Variants in NCOA3 observed in about 807,000 individuals in gnomAD.
NCOA3 encodes CBP-interacting protein.
In NCOA3, 51 loss-of-function variants were observed where a neutral mutation model predicts 158.8. The ratio of observed to expected loss-of-function variants is 0.32; its 90% confidence interval spans 0.26 to 0.41. The LOEUF (loss-of-function observed/expected upper bound fraction) is 0.41, where lower values mean the gene tolerates loss of function less well. Among genes scored for constraint, NCOA3 ranks in the 10% least tolerant of loss-of-function variants. The probability of loss-of-function intolerance (pLI) is 1.00; values close to 1 mark genes in which losing one functional copy is unlikely to be tolerated. For synonymous variants in NCOA3, 537 were observed against 592.4 expected (o/e 0.91, Z 1.36); for missense variants, 1,510 against 1,746.6 (o/e 0.86, Z 2.41).
At chr20:47,604,698 A>C (rs868519900) in intron 2 of NCOA3, among the ~76,000 whole-genome samples, 2 of 152,156 alleles carry the variant, frequency 1.3e-5, no homozygotes, top group African/African-American at 4.8e-5. Flanking sequence ...TCAGCTTTCC[A>C]AAGTGCTGGC....
At chr20:47,558,909 C>T (rs995995651) in intron 1 of NCOA3, among the ~76,000 whole-genome samples, 2 of 148,748 alleles carry the variant, frequency 1.3e-5, no homozygotes, top group African/African-American at 4.9e-5. Flanking sequence ...TTATGCACGA[C>T]ATCTGGACAC....
chr20:47,537,440 TG>T (rs369849746), intron 1 of NCOA3, among the ~76,000 whole-genome samples: 281 of 27,664 alleles, frequency 0.01, 2 homozygotes, highest in Middle Eastern at 0.071. Context: ...TCGGCGGGGG[TG>T]GGGGGGGGAA....
chr20:47,525,848 T>C (rs796477963), intron 1 of NCOA3, among the ~76,000 whole-genome samples: 2 of 44,974 alleles, frequency 4.4e-5, no homozygotes, highest in African/African-American at 1.0e-4. Context: ...CGGGCAGAGG[T>C]GCCCCTCACT....
chr20:47,578,534 G>A (rs2085406386), intron 1 of NCOA3, among the ~76,000 whole-genome samples: 1 of 152,138 alleles, frequency 6.6e-6, no homozygotes, highest in Non-Finnish European at 1.5e-5. Flanking sequence ...CTTGCATTTG[G>A]TCTTCTCCTT....
At chr20:47,614,956 A>G (rs767376251) in intron 2 of NCOA3, among the ~76,000 whole-genome samples, 7 of 152,208 alleles carry the variant, frequency 4.6e-5, no homozygotes, top group Non-Finnish European at 8.8e-5. Flanking sequence ...CTGGTTGGCT[A>G]TAGTGTGATT....
At chr20:47,634,699 G>A (rs1285911561) in intron 10 of NCOA3, among the ~76,000 whole-genome samples, 1 of 152,112 alleles carries the variant, frequency 6.6e-6, no homozygotes, top group African/African-American at 2.4e-5. Context: ...AGTTAACATA[G>A]CTGTTGGTCT....
At chr20:47,629,544 T>C (rs2086380187) in intron 8 of NCOA3, among the ~76,000 whole-genome samples, 1 of 152,184 alleles carries the variant, frequency 6.6e-6, no homozygotes, top group Non-Finnish European at 1.5e-5. Context: ...TTGGTCAGGC[T>C]GGTCTCAAAG....
chr20:47,639,582 C>T lies in NCOA3; in HGVS notation c.2713C>T (p.Pro905Ser), dbSNP rs780205541. Residue 905 changes from proline (P) to serine (S), a missense_variant, in exon 15 of 23, where the codon CCA becomes TCA. Coordinates refer to ENST00000371998, the MANE Select transcript of NCOA3 (RefSeq NM_181659.3). ...AGTATGGCTACCTGTTTTAGGTGGG[C>T]CAAACCGAAATGTGACTGTGACTCA... ...QENYGSSMGG[P>S]NRNVTVTQTP... 1.2e-6 allele frequency: 2 copies of T among 1,613,140 alleles called. No homozygotes were observed. The highest frequency in any genetic ancestry group is 2.2e-5 in the South Asian group (2 of 91,024).
chr20:47,515,249 G>A (rs1189916392), intron 1 of NCOA3, among the ~76,000 whole-genome samples: 2 of 150,708 alleles, frequency 1.3e-5, no homozygotes, highest in African/African-American at 2.4e-5. Context: ...CACAACCTCC[G>A]CCTCCTGAGT....
chr20:47,622,826 G>A (rs1284572089), intron 3 of NCOA3: 1 of 152,278 alleles, frequency 6.6e-6, no homozygotes. Flanking sequence ...CAAGGGTAGG[G>A]AGAATTACAA....
At chr20:47,549,864 T>C (rs1003491896) in intron 1 of NCOA3, among the ~76,000 whole-genome samples, 10 of 152,042 alleles carry the variant, frequency 6.6e-5, no homozygotes, top group African/African-American at 9.7e-5. Context: ...CCACCATGCC[T>C]GGCTAATTTT....
chr20:47,515,401 C>A (rs1422581504), intron 1 of NCOA3, among the ~76,000 whole-genome samples: 1 of 151,686 alleles, frequency 6.6e-6, no homozygotes, highest in Non-Finnish European at 1.5e-5. Context: ...ATCCACCCCC[C>A]TCGGCCTCCC....
chr20:47,630,047 TC>T (rs1257654171), intron 8 of NCOA3, among the ~76,000 whole-genome samples: 3 of 152,232 alleles, frequency 2.0e-5, no homozygotes, highest in Non-Finnish European at 4.4e-5. Context: ...TTATCTTCTG[TC>T]CCTGATGTGT....
chr20:47,595,874 A>G (rs1042402660), intron 2 of NCOA3, among the ~76,000 whole-genome samples: 2 of 152,184 alleles, frequency 1.3e-5, no homozygotes, highest in East Asian at 1.9e-4. Context: ...TCTGTGTTTC[A>G]TAGGGCTGTC....
At chr20:47,617,185 ACC>A (rs2086153804) in intron 2 of NCOA3, among the ~76,000 whole-genome samples, 4 of 152,186 alleles carry the variant, frequency 2.6e-5, no homozygotes, top group African/African-American at 9.6e-5. Flanking sequence ...TGAACTCCTG[ACC>A]TCAGGTGATC....
chr20:47,530,640 T>G (rs1158630179), intron 1 of NCOA3, among the ~76,000 whole-genome samples: 1 of 152,026 alleles, frequency 6.6e-6, no homozygotes, highest in Non-Finnish European at 1.5e-5. Flanking sequence ...TTTTTGTATT[T>G]TTTTAGTAGA....
At chr20:47,629,455 G>A (rs1278227531) in intron 8 of NCOA3, among the ~76,000 whole-genome samples, 2 of 151,636 alleles carry the variant, frequency 1.3e-5, no homozygotes, top group Non-Finnish European at 2.9e-5. Flanking sequence ...TCAGCCTCCC[G>A]AGTAGCTGAA....
At chr20:47,619,627 A>G (rs1362640808) in intron 2 of NCOA3, among the ~76,000 whole-genome samples, 6 of 151,112 alleles carry the variant, frequency 4.0e-5, no homozygotes, top group African/African-American at 1.5e-4. Context: ...CCTGGGTGAC[A>G]CAGTAAGACC....
chr20:47,576,490 T>G (rs1050342954), intron 1 of NCOA3, among the ~76,000 whole-genome samples: 1 of 152,172 alleles, frequency 6.6e-6, no homozygotes, highest in African/African-American at 2.4e-5. Context: ...AACTCAGATT[T>G]CAAGAAGAAA....
Sources: gnomAD v4.1 joint callset for allele counts (sites outside exome capture counted in the v4.1 genomes callset) on GRCh38, gnomAD v4.1.1 for gene constraint, MANE v1.5 for transcripts, NCBI Gene and HGNC (gene_info 2026-07-23, HGNC 2026-07-21) for gene names.